Variants in GAREM2 observed in about 807,000 individuals in gnomAD.
The protein encoded by GAREM2 is GRB2 associated regulator of MAPK1 subtype 2.
Under a neutral mutation model 55.6 loss-of-function variants are expected in GAREM2, and 30 were observed. That is an observed-to-expected ratio of 0.54 (90% CI 0.40 to 0.73). GAREM2 has a LOEUF of 0.73. Ranked by LOEUF, GAREM2 falls within the 30% of genes least tolerant of loss-of-function variation. The pLI, the probability that GAREM2 is intolerant of heterozygous loss-of-function variation, is 0.00. For synonymous variants in GAREM2, 550 were observed against 569.1 expected, an observed-to-expected ratio of 0.97 and a Z score of 0.48; for missense variants, 1,075 against 1,257.7, an observed-to-expected ratio of 0.85 and a Z score of 2.20.
chr2:26,187,316 G>T lies in GAREM2; in HGVS notation c.1684G>T (p.Val562Leu). 6.5e-7 allele frequency: 1 copy of T among 1,528,602 alleles called. No individual in the cohort carries two copies. The highest frequency in any genetic ancestry group is 2.1e-5 in the Admixed American group (1 of 46,904). The allele number at this position is 1,528,602 out of a possible 1,614,324, so 94.7% of individuals were successfully genotyped here. ...CCCATGCACCTGGGGAGACTGCAAG[G>T]TGGGCGAGTCCTCTAGCCGCCCAGC... ...CYPCTWGDCK[V>L]GESSSRPAPG... is the part of the protein sequence containing the mutation. The change falls in exon 6 of 6, where the codon GTG (valine) becomes TTG (leucine). Residue 562 changes from valine (V) to leucine (L), a missense_variant. This residue lies in a region of GAREM2 where 515 missense variants were observed against 501.5 expected (regional missense o/e 1.03). Transcript: ENST00000401533.
rs932326263 is a variant in GAREM2, at chr2:26,176,604, G to T, written c.253+120G>T. 31 of 968,228 alleles carry T rather than the reference G, an allele frequency of 3.2e-5. No individual in the cohort carries two copies. The South Asian group carries it at 8.9e-4, about 28-fold the overall frequency. The allele number at this position is 968,228 out of a possible 1,614,324, so 60.0% of individuals were successfully genotyped here. Reference sequence around the variant, plus strand: ...GGCGGTGATTAGGGTTAGGGTTGGAGTCAGAGCCCAGCAGTTTTCATTCTG... The same window carrying T: ...GGCGGTGATTAGGGTTAGGGTTGGATTCAGAGCCCAGCAGTTTTCATTCTG... On this transcript the variant is annotated intron_variant, in intron 2 of 5. Transcript: ENST00000401533.
chr2:26,187,768 A>G lies in GAREM2; in HGVS notation c.2136A>G (p.Pro712=), dbSNP rs1218219228. ...DPFELGQGSS[P]EPELLRSQEP... ...TTGAGCTGGGGCAGGGCAGTTCTCCAGAGCCTGAGCTGCTGCGTTCTCAGG... is the reference window on the plus strand; with the variant it reads ...TTGAGCTGGGGCAGGGCAGTTCTCCGGAGCCTGAGCTGCTGCGTTCTCAGG... The change falls in exon 6 of 6, where the codon CCA becomes CCG. Residue 712 remains proline (P), a synonymous_variant. Transcript: ENST00000401533. 2.1e-6 allele frequency: 3 copies of G among 1,447,528 alleles called. No homozygotes were observed. Among genetic ancestry groups the G allele is most frequent in the Non-Finnish European group, 9.1e-7 (1 of 1,095,190 alleles). 89.7% of individuals were successfully genotyped at this position (1,447,528 alleles called of 1,614,324 possible).
chr2:26,187,359 C>T lies in GAREM2; in HGVS notation c.1727C>T (p.Ser576Leu). ...SSRPAPGPLP[S>L]TTQPSQASRA... ...CGCCCAGCCCCCGGTCCCCTACCCTCAACCACACAGCCCAGCCAGGCCTCC... is the reference window on the plus strand; with the variant it reads ...CGCCCAGCCCCCGGTCCCCTACCCTTAACCACACAGCCCAGCCAGGCCTCC... Residue 576 changes from serine to leucine, a missense_variant, in exon 6 of 6, where the codon TCA (serine) becomes TTA (leucine). Ser to Leu is a moderately radical substitution (Grantham distance 145, BLOSUM62 -2). Transcript: ENST00000401533. 6.5e-7 allele frequency: 1 copy of T among 1,547,330 alleles called. No individual in the cohort carries two copies. The highest frequency in any genetic ancestry group is 1.2e-5 in the South Asian group (1 of 83,252).
intron 1 of GAREM2, 39 bp downstream of exon 1, chr2:26,173,371 G>A (rs1203803882): frequency 8.7e-7 from 1 of 1,153,810 alleles, no homozygotes; most frequent in Non-Finnish European, 1.1e-6. Flanking sequence ...GGGTCCGCGG[G>A]GAAATGGTGG....
At chr2:26,176,126 G>A (rs899783580) in intron 1 of GAREM2, among the ~76,000 whole-genome samples, 5 of 152,138 alleles carry the variant, frequency 3.3e-5, no homozygotes, top group Non-Finnish European at 7.4e-5. Context: ...GGGCCCCGTC[G>A]GGAGTCACAG....
the GAREM2 span, among the ~76,000 whole-genome samples, chr2:26,198,174 C>T: frequency 4.6e-5 from 7 of 152,172 alleles, no homozygotes; most frequent in South Asian, 2.1e-4. Flanking sequence ...AATCACTCCC[C>T]GCTTCACCTT....
intron 1 of GAREM2, among the ~76,000 whole-genome samples, chr2:26,175,222 C>T (rs1427445202): frequency 6.6e-6 from 1 of 152,170 alleles, no homozygotes; most frequent in Non-Finnish European, 1.5e-5. Flanking sequence ...GAGGTACTCC[C>T]TACCCCCACC....
In GAREM2 at chr2:26,188,709, T is replaced by A. The variant is rs1669383040; in HGVS notation, c.*452T>A. The A allele has an allele frequency of 6.5e-6, 1 of 154,724 alleles. No individual in the cohort carries two copies. The highest frequency in any genetic ancestry group is 1.4e-5 in the Non-Finnish European group (1 of 69,820). 9.6% of individuals were successfully genotyped at this position (154,724 alleles called of 1,614,324 possible). On this transcript the variant is annotated 3_prime_UTR_variant, in exon 6 of 6. Transcript: ENST00000401533. ...GTGCCCACTCTCCTTTGTGCTCTGT[T>A]GGCTTTTGGCCTAAAGCTGCCCCAG...
chr2:26,203,847 A>G, the GAREM2 span, among the ~76,000 whole-genome samples: 7 of 152,244 alleles, frequency 4.6e-5, no homozygotes, highest in Admixed American at 4.6e-4. Context: ...TATGATATCT[A>G]TAACAAAACG....
Position 26,173,196 on chromosome 2 carries a change from A to C in GAREM2, c.-25A>C. On this transcript the variant is annotated 5_prime_UTR_variant, in exon 1 of 6. Transcript: ENST00000401533. The stretch of plus-strand genomic sequence containing the variant: ...CGGGACTGACCGTCGGGGCCCCGGG[A>C]CGGCGGCCCCGGGGCGCCCATGCCA... The C allele has an allele frequency of 9.2e-7, 1 of 1,084,244 alleles. No homozygotes were observed. The highest frequency in any genetic ancestry group is 1.2e-6 in the Non-Finnish European group (1 of 850,524). 67.2% of individuals were successfully genotyped at this position (1,084,244 alleles called of 1,614,324 possible). A position where few individuals can be genotyped will look rare whatever the true frequency, so the allele number is the denominator to read the frequency against.
At position 26,187,639 on chromosome 2, in the gene GAREM2, C is replaced by T. The variant is rs1219070019; in HGVS notation, c.2007C>T (p.Ala669=). ...GCCCTGCGTATTCCCCAGGCCCAGCCTCGCCAGGCCAGGCCTATTCAGCTG... is the reference window on the plus strand; with the variant it reads ...GCCCTGCGTATTCCCCAGGCCCAGCTTCGCCAGGCCAGGCCTATTCAGCTG... ...TSGPAYSPGP[A]SPGQAYSAAP... Residue 669 remains alanine (A), a synonymous_variant, in exon 6 of 6, where the codon GCC becomes GCT. Transcript: ENST00000401533. 3.2e-6 allele frequency: 5 copies of T among 1,547,638 alleles called. No homozygotes were observed. The South Asian group carries it at 3.6e-5, about 11-fold the overall frequency.
intron 1 of GAREM2, among the ~76,000 whole-genome samples, chr2:26,173,643 C>T (rs1366649711): frequency 6.6e-6 from 1 of 151,982 alleles, no homozygotes; most frequent in East Asian, 1.9e-4. Flanking sequence ...CCCCCTTTCC[C>T]CCGCTGCCCC....
chr2:26,193,422 C>T (rs1245172834), downstream of GAREM2, among the ~76,000 whole-genome samples: 3 of 151,808 alleles, frequency 2.0e-5, no homozygotes, highest in Non-Finnish European at 4.4e-5. Context: ...TGCTACCGCA[C>T]CTGACTCATA....
At position 26,184,797 on chromosome 2, in the gene GAREM2, C is replaced by T; in HGVS notation, c.949C>T (p.Leu317=). 6.7e-7 allele frequency: 1 copy of T among 1,498,496 alleles called. No homozygotes were observed. Among genetic ancestry groups the T allele is most frequent in the Admixed American group, 2.2e-5 (1 of 46,122 alleles). The allele number at this position is 1,498,496 out of a possible 1,614,324, so 92.8% of individuals were successfully genotyped here. The change falls in exon 4 of 6, where the codon CTG becomes TTG. Residue 317 remains leucine, a synonymous_variant. Coordinates refer to ENST00000401533, the MANE Select transcript of GAREM2 (RefSeq NM_001168241.2). ...REGPAPLHFL[L]LTDTPRFALP... The stretch of plus-strand genomic sequence containing the variant: ...GGGCCCGGCGCCGCTGCACTTCCTG[C>T]TGCTCACGGACACGCCGCGCTTCGC...
intron 2 of GAREM2, among the ~76,000 whole-genome samples, chr2:26,177,216 T>C (rs1668891640): frequency 6.6e-6 from 1 of 152,058 alleles, no homozygotes; most frequent in South Asian, 2.1e-4. Flanking sequence ...CAGATCCAGG[T>C]ATCTCAACTG....
Position 26,185,054 on chromosome 2 carries a change from C to T in GAREM2, c.1206C>T (p.Ala402=). 2 of 1,234,244 alleles carry T rather than the reference C, an allele frequency of 1.6e-6. No homozygotes were observed. Among genetic ancestry groups the T allele is most frequent in the African/African-American group, 3.2e-5 (2 of 63,370 alleles). 76.5% of individuals were successfully genotyped at this position (1,234,244 alleles called of 1,614,324 possible). The part of the protein sequence containing the change: ...RAPGPLAPAP[A]GEGDQEYVSP... ...CCGGCCCGCTAGCGCCGGCTCCCGC[C>T]GGCGAGGGCGACCAGGAGTACGTGA... is the stretch of plus-strand genomic sequence containing the variant. The change falls in exon 4 of 6, where the codon GCC becomes GCT. Residue 402 remains alanine (A), a synonymous_variant. Transcript: ENST00000401533.
chr2:26,189,604 A>G lies in GAREM2; in HGVS notation c.*1347A>G, dbSNP rs1016889915. ...ATTTGGTTTTCTTGCAGATCATTTA[A>G]TGAATCCTCAAGGACTAATGAAATA... On this transcript the variant is annotated 3_prime_UTR_variant, in exon 6 of 6. Transcript: ENST00000401533. 6.6e-6 allele frequency: 1 copy of G among 152,216 alleles called. No homozygotes were observed. Among genetic ancestry groups the G allele is most frequent in the African/African-American group, 2.4e-5 (1 of 41,450 alleles). 9.4% of individuals were successfully genotyped at this position (152,216 alleles called of 1,614,324 possible). A position where few individuals can be genotyped will look rare whatever the true frequency, so the allele number is the denominator to read the frequency against.
rs1669331641 is a variant in GAREM2 at position 26,187,731 on chromosome 2, C to G, written c.2099C>G (p.Pro700Arg). 8 of 1,462,860 alleles carry G rather than the reference C, an allele frequency of 5.5e-6. No homozygotes were observed. Among genetic ancestry groups the G allele is most frequent in the Non-Finnish European group, 7.3e-6 (8 of 1,103,008 alleles). The allele number at this position is 1,462,860 out of a possible 1,614,324, so 90.6% of individuals were successfully genotyped here. The change falls in exon 6 of 6, where the codon CCC becomes CGC. Residue 700 changes from proline (P) to arginine (R), a missense_variant. Physicochemically the swap from Pro to Arg is moderately radical, Grantham distance 103 (BLOSUM62 -2). Coordinates refer to ENST00000401533, the MANE Select transcript of GAREM2 (RefSeq NM_001168241.2). ...GAATGGCAGGAACCAGTCCTGGAGC[C>G]CTTCGATCCCTTTGAGCTGGGGCAG... ...SSEWQEPVLE[P>R]FDPFELGQGS...
At chr2:26,184,090 G>A (rs1181266289) in intron 3 of GAREM2, 143 bp from the exon 4 acceptor site, 7 of 1,265,964 alleles carry the variant, frequency 5.5e-6, no homozygotes, top group Non-Finnish European at 7.6e-6. Context: ...CAGGATGAAC[G>A]TGGATCTCCT....
Sources: allele counts gnomAD v4.1 joint callset (sites outside exome capture counted in the v4.1 genomes callset), GRCh38; gene constraint gnomAD v4.1.1; regional missense constraint gnomAD v4.1.1; transcripts MANE v1.5; gene names NCBI Gene and HGNC (gene_info 2026-07-23, HGNC 2026-07-21).